The following ZFPM2 variants were observed in gnomAD, a reference collection of about 807,000 sequenced individuals.
The protein encoded by ZFPM2 is zinc finger protein, FOG family member 2.
In ZFPM2, 20 loss-of-function variants were observed where a neutral mutation model predicts 98.6. The ratio of observed to expected loss-of-function variants is 0.20; its 90% CI spans 0.14 to 0.29. ZFPM2 has a LOEUF of 0.29. ZFPM2 is among the 10% of genes least tolerant of loss of function. The probability of loss-of-function intolerance (pLI) is 1.00; values close to 1 mark genes in which losing one functional copy is unlikely to be tolerated. For missense variants in ZFPM2, 1,310 were observed against 1,388.6 expected, an observed-to-expected ratio of 0.94 and a Z score of 0.90; for synonymous variants, 518 against 502.7, an observed-to-expected ratio of 1.03 and a Z score of -0.41.
intron 4 of ZFPM2, among the ~76,000 whole-genome samples, chr8:105,602,724 G>A (rs952264240): frequency 1.3e-5 from 2 of 151,752 alleles, no homozygotes; most frequent in Non-Finnish European, 2.9e-5. Flanking sequence ...CTGTTATTCT[G>A]GCCATGAACT....
intron 4 of ZFPM2, among the ~76,000 whole-genome samples, chr8:105,572,352 A>C (rs139877710): frequency 6.6e-6 from 1 of 151,748 alleles, no homozygotes; most frequent in Non-Finnish European, 1.5e-5. Context: ...ATAAATTTCT[A>C]ATAAGAGAAT....
At chr8:105,498,157 C>A (rs1813514600) in intron 3 of ZFPM2, among the ~76,000 whole-genome samples, 1 of 151,924 alleles carries the variant, frequency 6.6e-6, no homozygotes, top group Non-Finnish European at 1.5e-5. Context: ...TTGATCATAC[C>A]ACTGCACTCC....
chr8:105,745,824 A>G (rs772571005), intron 5 of ZFPM2, among the ~76,000 whole-genome samples: 2 of 152,058 alleles, frequency 1.3e-5, no homozygotes, highest in African/African-American at 2.4e-5. Context: ...CAGCGGTGCA[A>G]TCTTGGCTCA....
intron 4 of ZFPM2, among the ~76,000 whole-genome samples, chr8:105,609,599 A>G (rs913612179): frequency 6.6e-6 from 1 of 152,170 alleles, no homozygotes; most frequent in African/African-American, 2.4e-5. Flanking sequence ...TTCTTATATC[A>G]CTGCCCCGCC....
intron 3 of ZFPM2, among the ~76,000 whole-genome samples, chr8:105,524,680 A>G (rs1814134755): frequency 6.6e-6 from 1 of 152,134 alleles, no homozygotes; most frequent in South Asian, 2.1e-4. Flanking sequence ...TCTGTGATCA[A>G]AGAGACATAT....
intron 3 of ZFPM2, among the ~76,000 whole-genome samples, chr8:105,520,451 G>C (rs548022888): frequency 1.2e-4 from 18 of 152,204 alleles, no homozygotes; most frequent in Middle Eastern, 3.4e-3. Context: ...CCACTTTATT[G>C]CAGAATCCAG....
chr8:105,803,821 G>C lies in ZFPM2; in HGVS notation c.*283G>C, dbSNP rs1814123419. On this transcript the variant is annotated 3_prime_UTR_variant, in exon 8 of 8. Transcript: ENST00000407775. ...TATTAAAGTCATTTGTAATGTTATT[G>C]TATAGTTATTGTGTAGCACATATGG... The C allele has an allele frequency of 8.2e-6, 3 of 365,002 alleles. No homozygotes were observed. The Admixed American group carries it at 1.3e-4, about 15-fold the overall frequency. The allele number at this position is 365,002 out of a possible 1,614,324, so 22.6% of individuals were successfully genotyped here. A position where few individuals can be genotyped will look rare whatever the true frequency, so the allele number is the denominator to read the frequency against.
intron 5 of ZFPM2, chr8:105,737,192 T>C (rs1247728626): frequency 6.6e-6 from 1 of 152,080 alleles, no homozygotes; most frequent in African/African-American, 2.4e-5. Flanking sequence ...AAATTATTCA[T>C]GTATTTCATG....
intron 1 of ZFPM2, among the ~76,000 whole-genome samples, chr8:105,394,679 G>A (rs768701475): frequency 1.3e-5 from 2 of 152,190 alleles, no homozygotes; most frequent in Non-Finnish European, 2.9e-5. Flanking sequence ...TCGAGTGTGG[G>A]CTCTGGCCAC....
chr8:105,346,392 A>T (rs12546444), intron 1 of ZFPM2, among the ~76,000 whole-genome samples: 12,304 of 151,742 alleles, frequency 0.081, 583 homozygotes, highest in South Asian at 0.13. Context: ...CTCAAAAAAA[A>T]AAAAAAATAA....
At chr8:105,371,252 A>G (rs1810616838) in intron 1 of ZFPM2, among the ~76,000 whole-genome samples, 1 of 152,202 alleles carries the variant, frequency 6.6e-6, no homozygotes, top group Non-Finnish European at 1.5e-5. Context: ...GAGGAGAAAA[A>G]GATAGGAAAT....
intron 2 of ZFPM2, among the ~76,000 whole-genome samples, chr8:105,440,124 C>T (rs1204135530): frequency 6.6e-6 from 1 of 152,096 alleles, no homozygotes; most frequent in African/African-American, 2.4e-5. Flanking sequence ...TTCATATTAC[C>T]ATTTATCACT....
At chr8:105,538,510 T>C (rs1814507740) in intron 3 of ZFPM2, among the ~76,000 whole-genome samples, 1 of 152,186 alleles carries the variant, frequency 6.6e-6, no homozygotes. Flanking sequence ...CTTTTTAGTT[T>C]TCAACAGTTT....
rs151071472 is a variant in ZFPM2 at position 105,455,635 on chromosome 8, C to T, written c.301+11254C>T. Among the ~76,000 whole-genome samples the T allele has an allele frequency of 3.5e-4, 54 of 152,182 alleles. No homozygotes were observed. In the East Asian group the frequency reaches 0.01, roughly 28 times the overall value. ...CTCTGATGACTATGTAGAGAGTGGA[C>T]AGAAGGAAATAAAAATTCACTGGCC... is the stretch of plus-strand genomic sequence containing the variant. On this transcript the variant is annotated intron_variant, in intron 3 of 7. Coordinates refer to ENST00000407775, the MANE Select transcript of ZFPM2 (RefSeq NM_012082.4).
chr8:105,664,360 T>TGA (rs1554570953), intron 5 of ZFPM2, among the ~76,000 whole-genome samples: 19 of 144,450 alleles, frequency 1.3e-4, no homozygotes, highest in African/African-American at 3.5e-4. Flanking sequence ...TGTGTGTGTG[T>TGA]GACAGAGTTT....
At chr8:105,441,454 GAA>G (rs71512502) in intron 2 of ZFPM2, among the ~76,000 whole-genome samples, 1,229 of 53,382 alleles carry the variant, frequency 0.023, 208 homozygotes, top group Middle Eastern at 0.048. Context: ...GAGAGAGAGA[GAA>G]AGAAAGAAAG....
intron 3 of ZFPM2, among the ~76,000 whole-genome samples, chr8:105,493,627 A>G (rs527477405): frequency 1.3e-3 from 197 of 152,264 alleles, no homozygotes; most frequent in Non-Finnish European, 1.7e-3. Context: ...TCCACTTGCC[A>G]GTTGTAGCAC....
At chr8:105,348,272 A>G (rs192886279) in intron 1 of ZFPM2, among the ~76,000 whole-genome samples, 153 of 152,310 alleles carry the variant, frequency 1.0e-3, no homozygotes, top group African/African-American at 3.4e-3. Flanking sequence ...ATTTGCAGGT[A>G]TGATTTTCTT....
intron 1 of ZFPM2, among the ~76,000 whole-genome samples, chr8:105,380,337 C>T (rs1810822120): frequency 2.6e-5 from 4 of 151,096 alleles, no homozygotes; most frequent in Admixed American, 2.0e-4. Context: ...AATGATGACC[C>T]CACCCACTTT....
Sources: gnomAD v4.1 joint callset for allele counts (sites outside exome capture counted in the v4.1 genomes callset) on GRCh38, gnomAD v4.1.1 for gene constraint, MANE v1.5 for transcripts, NCBI Gene and HGNC (gene_info 2026-07-23, HGNC 2026-07-21) for gene names.